The following SLC9A9 variants were observed in gnomAD, a reference collection of about 807,000 sequenced individuals.
SLC9A9 encodes the protein sodium/hydrogen exchanger 9.
SLC9A9 carries 62 observed loss-of-function variants against 77.8 expected under a neutral mutation model. The observed-to-expected ratio is 0.80, with a 90% CI of 0.65 to 0.98. The LOEUF is 0.98. Among genes scored for constraint, SLC9A9 ranks in the 50% least tolerant of loss-of-function variants. The pLI is 0.00. For synonymous variants in SLC9A9, 320 were observed against 283.5 expected (o/e 1.13, Z -1.29); for missense variants, 775 against 774.9 (o/e 1.00, Z 0.00).
chr3:143,394,872 C>G (rs907593221), intron 12 of SLC9A9, among the ~76,000 whole-genome samples: 5 of 152,060 alleles, frequency 3.3e-5, no homozygotes, highest in Admixed American at 2.6e-4. Context: ...AATAAAATAC[C>G]TAGGAATCCA....
At position 143,749,839 on chromosome 3, in the gene SLC9A9, C is replaced by T. The variant is rs146651470; in HGVS notation, c.533+45162G>A. Among the ~76,000 whole-genome samples the T allele has an allele frequency of 4.4e-4, 67 of 152,210 alleles. 1 individual carries two copies. In the East Asian group the frequency reaches 4.8e-3, roughly 11 times the overall value. On this transcript the variant is annotated intron_variant, in intron 4 of 15. Transcript: ENST00000316549. The stretch of plus-strand genomic sequence containing the variant: ...TGTACACACTGAAGTTTGAGAACTG[C>T]GGGCTAGACTAAAATCAGGAACAAA...
intron 7 of SLC9A9, among the ~76,000 whole-genome samples, chr3:143,574,444 T>A (rs906800892): frequency 6.6e-6 from 1 of 152,192 alleles, no homozygotes; most frequent in Admixed American, 6.6e-5. Flanking sequence ...GGTGTCTTCC[T>A]AAGACTATAA....
chr3:143,592,383 C>T (rs1256098521), intron 6 of SLC9A9, among the ~76,000 whole-genome samples: 2 of 152,108 alleles, frequency 1.3e-5, no homozygotes, highest in Non-Finnish European at 2.9e-5. Context: ...AGAGCAAGAC[C>T]CTGTCTCAAC....
intron 9 of SLC9A9, among the ~76,000 whole-genome samples, chr3:143,533,212 G>GGGGC (rs779791738): frequency 2.0e-5 from 3 of 152,204 alleles, no homozygotes; most frequent in Non-Finnish European, 4.4e-5. Context: ...CTGCTCTCGT[G>GGGGC]GGGCTGACAT....
At chr3:143,433,565 C>T (rs2034568340) in intron 12 of SLC9A9, among the ~76,000 whole-genome samples, 1 of 152,094 alleles carries the variant, frequency 6.6e-6, no homozygotes, top group Admixed American at 6.6e-5. Context: ...ATAGCATTTG[C>T]CAGATTAATC....
chr3:143,298,481 G>A (rs2030377085), intron 14 of SLC9A9, among the ~76,000 whole-genome samples: 1 of 152,218 alleles, frequency 6.6e-6, no homozygotes. Context: ...CAAGTCTGAG[G>A]TGTGGCAAAT....
chr3:143,345,627 T>C (rs2032244886), intron 14 of SLC9A9, among the ~76,000 whole-genome samples: 1 of 152,074 alleles, frequency 6.6e-6, no homozygotes, highest in African/African-American at 2.4e-5. Flanking sequence ...TAAAGCAGGA[T>C]AGTTGGGTAG....
At chr3:143,411,657 T>A (rs1489677017) in intron 12 of SLC9A9, among the ~76,000 whole-genome samples, 1 of 152,220 alleles carries the variant, frequency 6.6e-6, no homozygotes, top group Non-Finnish European at 1.5e-5. Context: ...TTGTTCTAAT[T>A]ACTTTTATTA....
chr3:143,709,071 C>G (rs1934071651), intron 4 of SLC9A9, among the ~76,000 whole-genome samples: 1 of 152,140 alleles, frequency 6.6e-6, no homozygotes. Context: ...GAAAAAGTAA[C>G]ATGGACCACC....
At chr3:143,805,498 C>A (rs75128601) in intron 2 of SLC9A9, among the ~76,000 whole-genome samples, 33,032 of 152,004 alleles carry the variant, frequency 0.22, 3,733 homozygotes, top group South Asian at 0.32. Context: ...TGAGCCCAAG[C>A]TAAGCCATCT....
chr3:143,629,733 G>A (rs942557574), intron 6 of SLC9A9, among the ~76,000 whole-genome samples: 23 of 152,180 alleles, frequency 1.5e-4, no homozygotes, highest in African/African-American at 5.3e-4. Flanking sequence ...TGGAATGGTG[G>A]GATGTTTTAG....
chr3:143,641,385 CTTTT>C (rs529425639), intron 6 of SLC9A9, among the ~76,000 whole-genome samples: 211 of 78,804 alleles, frequency 2.7e-3, no homozygotes, highest in African/African-American at 9.1e-3. Context: ...TTGTCACAGT[CTTTT>C]TTTTTTTTTT....
intron 6 of SLC9A9, among the ~76,000 whole-genome samples, chr3:143,587,647 A>T (rs781528246): frequency 1.3e-5 from 2 of 152,228 alleles, no homozygotes; most frequent in Non-Finnish European, 2.9e-5. Context: ...TTCTAGGGTG[A>T]AAGAGCAGGC....
chr3:143,709,685 A>G (rs1041129550), intron 4 of SLC9A9, among the ~76,000 whole-genome samples: 4 of 152,174 alleles, frequency 2.6e-5, no homozygotes, highest in African/African-American at 9.6e-5. Flanking sequence ...TGATTTGTGG[A>G]TAAGAGACAA....
chr3:143,686,737 G>C (rs946774130), intron 5 of SLC9A9, among the ~76,000 whole-genome samples: 1 of 152,132 alleles, frequency 6.6e-6, no homozygotes, highest in Admixed American at 6.6e-5. Flanking sequence ...CCCCAAGACA[G>C]CAATGAAAAA....
chr3:143,607,606 T>C (rs767836613), intron 6 of SLC9A9, among the ~76,000 whole-genome samples: 4 of 152,006 alleles, frequency 2.6e-5, no homozygotes, highest in Non-Finnish European at 4.4e-5. Flanking sequence ...TTATGTAGGC[T>C]AAAATTTAAG....
At chr3:143,667,401 C>T (rs2039086851) in intron 5 of SLC9A9, among the ~76,000 whole-genome samples, 1 of 152,142 alleles carries the variant, frequency 6.6e-6, no homozygotes, top group Non-Finnish European at 1.5e-5. Flanking sequence ...TAGGCAATAC[C>T]ATTCAGGACA....
chr3:143,542,717 AGC>A (rs1445562570), intron 9 of SLC9A9, among the ~76,000 whole-genome samples: 1 of 152,264 alleles, frequency 6.6e-6, no homozygotes, highest in East Asian at 1.9e-4. Flanking sequence ...ACCATTAATT[AGC>A]ATATATTCTC....
intron 13 of SLC9A9, among the ~76,000 whole-genome samples, chr3:143,364,631 A>G (rs952391586): frequency 9.2e-5 from 14 of 152,168 alleles, no homozygotes; most frequent in African/African-American, 3.1e-4. Flanking sequence ...GCTGGACACA[A>G]AAGGCTGTGT....
Sources: gnomAD v4.1 joint callset for allele counts (sites outside exome capture counted in the v4.1 genomes callset) on GRCh38, gnomAD v4.1.1 for gene constraint, MANE v1.5 for transcripts, NCBI Gene and HGNC (gene_info 2026-07-23, HGNC 2026-07-21) for gene names.